MYO10: variants seen among roughly 807,000 people sequenced by gnomAD.
MYO10 encodes the protein unconventional myosin-X.
A neutral mutation model predicts 257.3 loss-of-function variants in MYO10; 133 were observed. The ratio of observed to expected loss-of-function variants is 0.52; its 90% confidence interval spans 0.45 to 0.60. The LOEUF (loss-of-function observed/expected upper bound fraction) is 0.60. Ranked by LOEUF, MYO10 falls within the 20% of genes least tolerant of loss-of-function variation. MYO10 has a pLI of 0.00. For synonymous variants in MYO10, 1,104 were observed against 1,028.6 expected, an observed-to-expected ratio of 1.07 and a Z score of -1.40; for missense variants, 2,399 against 2,635.7, an observed-to-expected ratio of 0.91 and a Z score of 1.97.
At chr5:16,765,354 C>T (rs1740833068) in intron 11 of MYO10, among the ~76,000 whole-genome samples, 1 of 152,174 alleles carries the variant, frequency 6.6e-6, no homozygotes, top group African/African-American at 2.4e-5. Flanking sequence ...TGCTTCCTGC[C>T]CTAGAACATC....
At chr5:16,858,816 G>A (rs1744035012) in intron 2 of MYO10, among the ~76,000 whole-genome samples, 1 of 152,122 alleles carries the variant, frequency 6.6e-6, no homozygotes, top group Admixed American at 6.6e-5. Context: ...AAATTAGCCA[G>A]GTATGGTGGC....
chr5:16,717,247 T>G (rs1738913885), intron 19 of MYO10, among the ~76,000 whole-genome samples: 1 of 152,206 alleles, frequency 6.6e-6, no homozygotes, highest in African/African-American at 2.4e-5. Context: ...ATCAAACCTA[T>G]TTTCCTACTG....
At chr5:16,882,327 T>C (rs1000816582) in intron 1 of MYO10, among the ~76,000 whole-genome samples, 4 of 152,236 alleles carry the variant, frequency 2.6e-5, no homozygotes, top group Non-Finnish European at 5.9e-5. Context: ...TGTAAAATGG[T>C]ACATCTGCTT....
At chr5:16,683,497 AGTTTATC>A (rs1215534140) in intron 30 of MYO10, among the ~76,000 whole-genome samples, 1 of 152,210 alleles carries the variant, frequency 6.6e-6, no homozygotes, top group Non-Finnish European at 1.5e-5. Context: ...ATCCTTTTCA[AGTTTATC>A]GTTAAGTTCA....
Position 16,876,387 on chromosome 5 carries a change from A to C in MYO10, c.120+1222T>G, listed in dbSNP as rs187973733. On this transcript the variant is annotated intron_variant, in intron 2 of 40. Transcript: ENST00000513610. ...CATTTTACACTAAAGAAACAAAATC[A>C]GGAACAGTGGTGCTCCTATAAACAG... Among the ~76,000 whole-genome samples the C allele has an allele frequency of 3.3e-5, 5 of 152,320 alleles. No individual in the cohort carries two copies. In the East Asian group the frequency reaches 5.8e-4, roughly 18 times the overall value.
chr5:16,669,351 T>C (rs1159143775), intron 39 of MYO10, among the ~76,000 whole-genome samples: 1 of 152,038 alleles, frequency 6.6e-6, no homozygotes, highest in Admixed American at 6.6e-5. Flanking sequence ...GTAGCTGGGA[T>C]TACAGGTGCA....
intron 1 of MYO10, among the ~76,000 whole-genome samples, chr5:16,897,070 C>T (rs985979761): frequency 6.6e-6 from 1 of 152,124 alleles, no homozygotes; most frequent in African/African-American, 2.4e-5. Context: ...AAGGAAACAA[C>T]GCATTGCTCC....
At chr5:16,702,705 C>T in intron 23 of MYO10, 117 bp from the exon 24 acceptor site, 1 of 1,041,128 alleles carries the variant, frequency 9.6e-7, no homozygotes. Context: ...AAGACAGAGC[C>T]CCTTCCTCTG....
At chr5:16,694,764 C>T in intron 26 of MYO10, 150 bp from the exon 27 acceptor site, 1 of 1,015,374 alleles carries the variant, frequency 9.8e-7, no homozygotes, top group East Asian at 2.4e-5. Context: ...AGGAGTGGCA[C>T]TGCTAGCTCA....
intron 1 of MYO10, among the ~76,000 whole-genome samples, chr5:16,904,042 A>T (rs1745455074): frequency 1.3e-5 from 2 of 152,130 alleles, no homozygotes; most frequent in South Asian, 4.1e-4. Context: ...TGGTTTCAGG[A>T]TGGGGGCTGC....
intron 27 of MYO10, among the ~76,000 whole-genome samples, chr5:16,692,685 C>T (rs935700533): frequency 2.0e-5 from 3 of 152,000 alleles, no homozygotes; most frequent in Non-Finnish European, 4.4e-5. Context: ...GGATAGCCAC[C>T]GAAAGCTCTG....
Position 16,930,746 on chromosome 5 carries a change from A to C in MYO10, c.21+5042T>G, listed in dbSNP as rs534712258. ...GAACTATTACGCCCATTTACAGACC[A>C]GAGAGCTCAAGTTCAGGATTTAGAG... is the stretch of plus-strand genomic sequence containing the variant. On this transcript the variant is annotated intron_variant, in intron 1 of 40. Transcript: ENST00000513610. Among the ~76,000 whole-genome samples, 214 of 152,356 alleles carry C rather than the reference A, an allele frequency of 1.4e-3. 1 individual carries two copies. Among genetic ancestry groups the C allele is most frequent in the Non-Finnish European group, 2.2e-3 (153 of 68,032 alleles).
chr5:16,796,186 C>CA (rs796981409), intron 3 of MYO10, among the ~76,000 whole-genome samples: 491 of 48,764 alleles, frequency 0.01, 7 homozygotes, highest in Non-Finnish European at 0.015. Context: ...GAGACTCTGT[C>CA]AAAAAAAAAA....
At chr5:16,741,451 A>C (rs2126631705) in intron 19 of MYO10, among the ~76,000 whole-genome samples, 1 of 152,338 alleles carries the variant, frequency 6.6e-6, no homozygotes, top group African/African-American at 2.4e-5. Flanking sequence ...ATAAACTCTT[A>C]AAGAAAAATA....
At chr5:16,862,057 C>G (rs899252954) in intron 2 of MYO10, among the ~76,000 whole-genome samples, 2 of 152,152 alleles carry the variant, frequency 1.3e-5, no homozygotes, top group African/African-American at 4.8e-5. Context: ...AAATGCCAAC[C>G]CTGATAAGGC....
rs1259090865 is a variant in MYO10, at chr5:16,766,758, C to A, written c.1061-560G>T. On this transcript the variant is annotated intron_variant, in intron 10 of 40. Coordinates refer to ENST00000513610, the MANE Select transcript of MYO10 (RefSeq NM_012334.3). The stretch of plus-strand genomic sequence containing the variant: ...GGGATTACAGGCATGAGCCACCATG[C>A]CCACCTACTTTCTTTTTTTTTTTTT... Among the ~76,000 whole-genome samples the A allele has an allele frequency of 2.7e-5, 4 of 150,864 alleles. No homozygotes were observed. In the Admixed American group the frequency reaches 2.7e-4, roughly 10 times the overall value.
At chr5:16,727,264 C>T (rs11744385) in intron 19 of MYO10, among the ~76,000 whole-genome samples, 6,604 of 152,152 alleles carry the variant, frequency 0.043, 206 homozygotes, top group South Asian at 0.091. Flanking sequence ...CATTCTATTC[C>T]TATTGAACAG....
chr5:16,755,021 A>T (rs960138190), intron 18 of MYO10, 113 bp from the exon 19 acceptor site: 41 of 557,580 alleles, frequency 7.4e-5, no homozygotes, highest in Non-Finnish European at 2.9e-5. Flanking sequence ...AAATCATAGG[A>T]CTAATAACTT....
chr5:16,731,621 T>C (rs1403698391), intron 19 of MYO10, among the ~76,000 whole-genome samples: 2 of 152,202 alleles, frequency 1.3e-5, no homozygotes, highest in Non-Finnish European at 2.9e-5. Context: ...AGTGCTGGGA[T>C]TACAGGCGTG....
Sources: gnomAD v4.1 joint callset for allele counts (sites outside exome capture counted in the v4.1 genomes callset) on GRCh38, gnomAD v4.1.1 for gene constraint, MANE v1.5 for transcripts, NCBI Gene and HGNC (gene_info 2026-07-23, HGNC 2026-07-21) for gene names.